ZCWPW2: variants seen among roughly 807,000 people sequenced by gnomAD.
ZCWPW2 encodes zinc finger CW-type PWWP domain protein 2.
A neutral mutation model predicts 46.6 loss-of-function variants in ZCWPW2; 45 were observed. The ratio of observed to expected loss-of-function variants is 0.96; its 90% CI spans 0.76 to 1.24. The LOEUF is 1.24. Ranked by LOEUF, ZCWPW2 falls within the 50% of genes most tolerant of loss-of-function variation. The pLI, the probability that ZCWPW2 is intolerant of heterozygous loss-of-function variation, is 0.00. For missense variants in ZCWPW2, 429 were observed against 403.9 expected, an observed-to-expected ratio of 1.06 and a Z score of -0.53; for synonymous variants, 152 against 137.1, an observed-to-expected ratio of 1.11 and a Z score of -0.76.
intron 1 of ZCWPW2, among the ~76,000 whole-genome samples, chr3:28,366,775 G>A (rs1460114593): frequency 6.6e-6 from 1 of 152,112 alleles, no homozygotes; most frequent in Non-Finnish European, 1.5e-5. Flanking sequence ...TCTGGTCCTG[G>A]ACTTTTTTTG....
At chr3:28,522,960 AGATT>A (rs1275577308) in intron 9 of ZCWPW2, among the ~76,000 whole-genome samples, 1 of 152,178 alleles carries the variant, frequency 6.6e-6, no homozygotes, top group African/African-American at 2.4e-5. Flanking sequence ...AAATACAGCC[AGATT>A]GATCTTTATA....
intron 7 of ZCWPW2, among the ~76,000 whole-genome samples, 165 bp from the exon 8 acceptor site, chr3:28,515,389 T>C (rs1156278734): frequency 6.6e-6 from 1 of 152,154 alleles, no homozygotes; most frequent in African/African-American, 2.4e-5. Flanking sequence ...GTCTTTTTTG[T>C]TTTTCACTGC....
chr3:28,394,104 AAATT>A (rs1406738848), intron 2 of ZCWPW2, among the ~76,000 whole-genome samples: 1 of 152,150 alleles, frequency 6.6e-6, no homozygotes, highest in African/African-American at 2.4e-5. Context: ...ATAAATATAA[AAATT>A]AGTTATGTTT....
intron 4 of ZCWPW2, among the ~76,000 whole-genome samples, chr3:28,476,070 T>C (rs1365203699): frequency 6.6e-6 from 1 of 151,388 alleles, no homozygotes; most frequent in Non-Finnish European, 1.5e-5. Flanking sequence ...TATATATAAC[T>C]ATTCCTAACA....
intron 4 of ZCWPW2, among the ~76,000 whole-genome samples, chr3:28,458,652 G>A (rs982546999): frequency 1.3e-5 from 2 of 151,934 alleles, no homozygotes; most frequent in African/African-American, 2.4e-5. Flanking sequence ...AATTTACATC[G>A]GGGCATCTGC....
At chr3:28,399,721 G>GA (rs1396811294) in intron 2 of ZCWPW2, among the ~76,000 whole-genome samples, 1 of 151,970 alleles carries the variant, frequency 6.6e-6, no homozygotes, top group East Asian at 1.9e-4. Context: ...ATGTCCATAG[G>GA]AAAAAGGGGA....
At chr3:28,349,895 G>A (rs1419676862) in intron 1 of ZCWPW2, among the ~76,000 whole-genome samples, 1 of 152,132 alleles carries the variant, frequency 6.6e-6, no homozygotes, top group Admixed American at 6.5e-5. Context: ...GGGTTTATAT[G>A]AAAATTCGTT....
intron 1 of ZCWPW2, among the ~76,000 whole-genome samples, chr3:28,390,142 T>A (rs1318312601): frequency 2.0e-5 from 3 of 152,188 alleles, no homozygotes; most frequent in African/African-American, 7.2e-5. Context: ...TGATGTGAGT[T>A]GCTAGTGCCA....
intron 4 of ZCWPW2, among the ~76,000 whole-genome samples, chr3:28,438,998 C>G (rs1364708211): frequency 1.4e-5 from 2 of 147,790 alleles, no homozygotes; most frequent in African/African-American, 5.0e-5. Context: ...AGTCAGGGTT[C>G]TTTAGAGGGA....
At chr3:28,388,873 G>C (rs1198438410) in intron 1 of ZCWPW2, among the ~76,000 whole-genome samples, 1 of 152,112 alleles carries the variant, frequency 6.6e-6, no homozygotes, top group Non-Finnish European at 1.5e-5. Context: ...CTTAACTTTA[G>C]TCACAGTACG....
intron 8 of ZCWPW2, among the ~76,000 whole-genome samples, chr3:28,516,482 A>T (rs1312975254): frequency 6.6e-6 from 1 of 152,092 alleles, no homozygotes; most frequent in Non-Finnish European, 1.5e-5. Context: ...TGTGGAATGC[A>T]GGGAGAAAGT....
chr3:28,409,965 A>G (rs1199389174), intron 2 of ZCWPW2, among the ~76,000 whole-genome samples: 1 of 152,128 alleles, frequency 6.6e-6, no homozygotes, highest in Non-Finnish European at 1.5e-5. Context: ...AAGGAAACCC[A>G]TAATATTAGA....
intron 2 of ZCWPW2, among the ~76,000 whole-genome samples, chr3:28,401,965 A>G (rs935558671): frequency 6.6e-6 from 1 of 151,872 alleles, no homozygotes; most frequent in East Asian, 1.9e-4. Context: ...GCCTACCTCA[A>G]AAAGTCTGAA....
chr3:28,366,573 A>G (rs1459248065), intron 1 of ZCWPW2, among the ~76,000 whole-genome samples: 1 of 139,284 alleles, frequency 7.2e-6, no homozygotes, highest in African/African-American at 2.7e-5. Flanking sequence ...TTTTGCATCA[A>G]TGTTCATCAG....
At chr3:28,433,810 T>C (rs1397150640) in intron 3 of ZCWPW2, among the ~76,000 whole-genome samples, 1 of 150,426 alleles carries the variant, frequency 6.6e-6, no homozygotes, top group East Asian at 1.9e-4. Context: ...CATCACTTCA[T>C]CAGGTTGGTG....
intron 5 of ZCWPW2, among the ~76,000 whole-genome samples, chr3:28,483,531 G>A (rs1699499627): frequency 6.6e-6 from 1 of 152,072 alleles, no homozygotes; most frequent in Admixed American, 6.6e-5. Context: ...TAACTTGCTA[G>A]CATTTTTATT....
At chr3:28,478,010 T>C (rs1575182462) in intron 4 of ZCWPW2, among the ~76,000 whole-genome samples, 1 of 152,252 alleles carries the variant, frequency 6.6e-6, no homozygotes, top group East Asian at 1.9e-4. Flanking sequence ...AAATTAAATA[T>C]GCATTTAGAA....
At chr3:28,413,834 T>A (rs1696513868) in intron 3 of ZCWPW2, among the ~76,000 whole-genome samples, 1 of 152,170 alleles carries the variant, frequency 6.6e-6, no homozygotes, top group South Asian at 2.1e-4. Context: ...TCAGTTCCAC[T>A]GATTCTGATT....
intron 1 of ZCWPW2, among the ~76,000 whole-genome samples, chr3:28,385,099 A>G (rs943964658): frequency 2.6e-5 from 4 of 152,234 alleles, no homozygotes; most frequent in African/African-American, 9.6e-5. Context: ...TTTGGGGGAC[A>G]TATTAAGATG....
Sources: gnomAD v4.1 joint callset for allele counts (sites outside exome capture counted in the v4.1 genomes callset) on GRCh38, gnomAD v4.1.1 for gene constraint, MANE v1.5 for transcripts, NCBI Gene and HGNC (gene_info 2026-07-23, HGNC 2026-07-21) for gene names.